The following KATNIP variants were observed in gnomAD, a reference collection of about 807,000 sequenced individuals.
KATNIP encodes the protein katanin-interacting protein.
Under a neutral mutation model 174.0 loss-of-function variants are expected in KATNIP, and 126 were observed. That is an observed-to-expected ratio of 0.72 (90% confidence interval 0.63 to 0.84). The LOEUF (loss-of-function observed/expected upper bound fraction) is 0.84, where lower values mean the gene tolerates loss of function less well. Among genes scored for constraint, KATNIP ranks in the 40% least tolerant of loss-of-function variants. The probability of loss-of-function intolerance (pLI) is 0.00; values close to 1 mark genes in which losing one functional copy is unlikely to be tolerated. For missense variants in KATNIP, 1,958 were observed against 2,109.7 expected (o/e 0.93, Z 1.41); for synonymous variants, 810 against 835.7 (o/e 0.97, Z 0.53).
Position 27,657,365 on chromosome 16 carries a change from T to C in KATNIP, c.540+8630T>C, listed in dbSNP as rs184492154. ...CTGTAGGTTTTACATTTTTTCAAAA[T>C]AGAAAAAGCTAGCACATTAAAGAGG... On this transcript the variant is annotated intron_variant, in intron 6 of 27. Transcript: ENST00000261588. 1.8e-3 allele frequency among the ~76,000 whole-genome samples: 267 copies of C among 152,148 alleles called. 2 individuals carry two copies. The highest frequency in any genetic ancestry group is 0.017 in the Middle Eastern group (5 of 294).
At position 27,740,448 on chromosome 16, in the gene KATNIP, T is replaced by G. The variant is rs1392738769; in HGVS notation, c.2151T>G (p.Thr717=). 2.5e-6 allele frequency: 4 copies of G among 1,613,988 alleles called. No homozygotes were observed. Among genetic ancestry groups the G allele is most frequent in the Non-Finnish European group, 3.4e-6 (4 of 1,180,036 alleles). Reference sequence around the variant, plus strand: ...GTGACATGCCCAGTGCTCCTGCCACTTCCCCACCTGTGAAGTGCCCTCCTG... The same window carrying G: ...GTGACATGCCCAGTGCTCCTGCCACGTCCCCACCTGTGAAGTGCCCTCCTG... The part of the protein sequence containing the change: ...SMGDMPSAPA[T]SPPVKCPPVH... Residue 717 remains threonine (T), a synonymous_variant, in exon 15 of 28, where the codon ACT becomes ACG. Transcript: ENST00000261588.
At chr16:27,612,524 C>G (rs974803026) in intron 2 of KATNIP, among the ~76,000 whole-genome samples, 2 of 151,940 alleles carry the variant, frequency 1.3e-5, no homozygotes, top group African/African-American at 4.8e-5. Context: ...TTTGGGAGGC[C>G]GAGGCAGGTG....
chr16:27,733,597 A>G (rs1042847664), intron 14 of KATNIP, among the ~76,000 whole-genome samples: 2 of 151,830 alleles, frequency 1.3e-5, no homozygotes, highest in Non-Finnish European at 2.9e-5. Context: ...ACACACACAC[A>G]CACACATATG....
At chr16:27,632,090 G>T (rs1756599044) in intron 5 of KATNIP, among the ~76,000 whole-genome samples, 1 of 152,222 alleles carries the variant, frequency 6.6e-6, no homozygotes, top group Non-Finnish European at 1.5e-5. Context: ...GTCAGTCTTA[G>T]ATCTTTTGCC....
intron 13 of KATNIP, among the ~76,000 whole-genome samples, chr16:27,714,021 C>T (rs1047046882): frequency 4.0e-5 from 6 of 151,382 alleles, no homozygotes; most frequent in African/African-American, 1.5e-4. Context: ...CACACCCAGG[C>T]TCCAGCAGCC....
chr16:27,603,524 C>G (rs1007599903), intron 2 of KATNIP, among the ~76,000 whole-genome samples: 1 of 152,096 alleles, frequency 6.6e-6, no homozygotes, highest in Non-Finnish European at 1.5e-5. Flanking sequence ...GAGGCCCTCT[C>G]GGAGCCCTGA....
At chr16:27,619,608 GT>G (rs1484186201) in intron 3 of KATNIP, among the ~76,000 whole-genome samples, 1 of 152,160 alleles carries the variant, frequency 6.6e-6, no homozygotes, top group Non-Finnish European at 1.5e-5. Context: ...CATGGGACAA[GT>G]TTTTGTAATC....
At chr16:27,772,906 CAT>C (rs893792672) in intron 22 of KATNIP, among the ~76,000 whole-genome samples, 191 bp from the exon 23 acceptor site, 9 of 152,112 alleles carry the variant, frequency 5.9e-5, no homozygotes, top group African/African-American at 1.7e-4. Flanking sequence ...CACACACACA[CAT>C]GCACACACAT....
intron 3 of KATNIP, among the ~76,000 whole-genome samples, chr16:27,619,934 A>T (rs2142073565): frequency 6.6e-6 from 1 of 152,322 alleles, no homozygotes; most frequent in South Asian, 2.1e-4. Flanking sequence ...GCCACAGAGC[A>T]GGATGTTTTT....
At chr16:27,561,974 A>G (rs1051915473) in intron 1 of KATNIP, among the ~76,000 whole-genome samples, 11 of 152,172 alleles carry the variant, frequency 7.2e-5, no homozygotes, top group Admixed American at 5.9e-4. Context: ...ACCTAAATAC[A>G]CATTGCATAC....
chr16:27,715,198 G>A (rs2079875272), intron 13 of KATNIP, among the ~76,000 whole-genome samples: 4 of 152,182 alleles, frequency 2.6e-5, no homozygotes, highest in Admixed American at 2.6e-4. Context: ...GAGAAGCATA[G>A]TCATTCAAAA....
In KATNIP at chr16:27,713,808, A is replaced by G. The variant is rs1379885977; in HGVS notation, c.1605+4888A>G. Among the ~76,000 whole-genome samples, 100 of 34,976 alleles carry G rather than the reference A, an allele frequency of 2.9e-3. 3 individuals carry two copies. Among genetic ancestry groups the G allele is most frequent in the African/African-American group, 0.012 (79 of 6,412 alleles). The allele number at this position is 34,976 out of a possible 152,430, so 22.9% of individuals were successfully genotyped here. On this transcript the variant is annotated intron_variant, in intron 13 of 27. Coordinates refer to ENST00000261588, the MANE Select transcript of KATNIP (RefSeq NM_015202.5). Reference sequence around the variant, plus strand: ...TATATATGTGTGTGTGTGTGTATATACATATATATATATATATATATATAT... The same window carrying G: ...TATATATGTGTGTGTGTGTGTATATGCATATATATATATATATATATATAT...
intron 12 of KATNIP, among the ~76,000 whole-genome samples, chr16:27,705,409 G>A (rs1049610956): frequency 2.0e-5 from 3 of 152,074 alleles, no homozygotes; most frequent in Non-Finnish European, 4.4e-5. Context: ...GCCTGGCCTG[G>A]ACTAGAGTTC....
intron 21 of KATNIP, 122 bp from the exon 22 acceptor site, chr16:27,771,466 T>G: frequency 1.2e-6 from 1 of 847,936 alleles, no homozygotes; most frequent in Non-Finnish European, 1.8e-6. Flanking sequence ...CTCTTTTCCC[T>G]GCTGCATCCT....
Position 27,610,191 on chromosome 16 carries a change from C to G in KATNIP, c.64-8234C>G, listed in dbSNP as rs755053541. Among the ~76,000 whole-genome samples, 239 of 152,116 alleles carry G rather than the reference C, an allele frequency of 1.6e-3. 1 individual carries two copies. Among genetic ancestry groups the G allele is most frequent in the Non-Finnish European group, 2.4e-3 (166 of 67,998 alleles). On this transcript the variant is annotated intron_variant, in intron 2 of 27. Transcript: ENST00000261588. Reference sequence around the variant, plus strand: ...TTCCACTCACCTCTCATCAGGCCCCCCAGGTGGCAGCAGGGAGGACAGAAG... The same window carrying G: ...TTCCACTCACCTCTCATCAGGCCCCGCAGGTGGCAGCAGGGAGGACAGAAG...
intron 14 of KATNIP, 51 bp downstream of exon 14, chr16:27,721,746 T>A (rs771538776): frequency 6.3e-7 from 1 of 1,591,008 alleles, no homozygotes; most frequent in Non-Finnish European, 8.6e-7. Context: ...ATGGAAGCAC[T>A]TAGCAGTTTG....
intron 15 of KATNIP, among the ~76,000 whole-genome samples, chr16:27,744,405 G>GT (rs1239871881): frequency 6.6e-6 from 1 of 152,210 alleles, no homozygotes; most frequent in Non-Finnish European, 1.5e-5. Flanking sequence ...GTGTGTGTCT[G>GT]TAGTCCCAGC....
rs530503441 is a variant in KATNIP, at chr16:27,623,953, G to A, written c.141-4708G>A. Among the ~76,000 whole-genome samples the A allele has an allele frequency of 5.9e-4, 89 of 152,000 alleles. 1 individual carries two copies. Among genetic ancestry groups the A allele is most frequent in the Non-Finnish European group, 1.2e-3 (80 of 67,968 alleles). The stretch of plus-strand genomic sequence containing the variant: ...ATTTCCCCAGCTTGCATGACCTTGA[G>A]CAAGTCCCTAAACCTCCCTGGGGTC... On this transcript the variant is annotated intron_variant, in intron 3 of 27. Coordinates refer to ENST00000261588, the MANE Select transcript of KATNIP (RefSeq NM_015202.5).
chr16:27,598,147 G>A (rs550488203), intron 2 of KATNIP, among the ~76,000 whole-genome samples: 187 of 151,736 alleles, frequency 1.2e-3, no homozygotes, highest in African/African-American at 4.3e-3. Context: ...AGGCTGAGGC[G>A]GAAGACTCAC....
Sources: allele counts gnomAD v4.1 joint callset (sites outside exome capture counted in the v4.1 genomes callset), GRCh38; gene constraint gnomAD v4.1.1; transcripts MANE v1.5; gene names NCBI Gene and HGNC (gene_info 2026-07-23, HGNC 2026-07-21).